Variants in CFAP299 observed in about 807,000 individuals in gnomAD.
CFAP299 encodes cilia- and flagella-associated protein 299.
Under a neutral mutation model 27.0 loss-of-function variants are expected in CFAP299, and 21 were observed. That is an observed-to-expected ratio of 0.78 (90% CI 0.55 to 1.12). The LOEUF (loss-of-function observed/expected upper bound fraction) is 1.12. Ranked by LOEUF, CFAP299 falls within the 50% of genes most tolerant of loss-of-function variation. The pLI is 0.00. For missense variants in CFAP299, 310 were observed against 276.6 expected (o/e 1.12, Z -0.86); for synonymous variants, 104 against 98.1 (o/e 1.06, Z -0.36).
At chr4:80,913,754 A>G (rs1035306856) in intron 4 of CFAP299, among the ~76,000 whole-genome samples, 11 of 152,020 alleles carry the variant, frequency 7.2e-5, no homozygotes, top group African/African-American at 2.7e-4. Flanking sequence ...ACAATTCATG[A>G]GCTTTGGCTA....
At chr4:80,534,863 AT>A (rs1298144220) in intron 2 of CFAP299, among the ~76,000 whole-genome samples, 1 of 152,140 alleles carries the variant, frequency 6.6e-6, no homozygotes, top group Non-Finnish European at 1.5e-5. Context: ...TTGTACATAT[AT>A]TTTTCCCTTT....
chr4:80,701,942 T>C (rs1223139578), intron 3 of CFAP299, among the ~76,000 whole-genome samples: 1 of 151,852 alleles, frequency 6.6e-6, no homozygotes, highest in Non-Finnish European at 1.5e-5. Context: ...TTATGTTCTT[T>C]GTATGTGGCC....
At position 80,768,737 on chromosome 4, in the gene CFAP299, GT is replaced by G. The variant is rs1726040801; in HGVS notation, c.334-101253del. Among the ~76,000 whole-genome samples the G allele has an allele frequency of 2.6e-5, 4 of 152,120 alleles. No individual in the cohort carries two copies. In the South Asian group the frequency reaches 8.3e-4, roughly 32 times the overall value. On this transcript the variant is annotated intron_variant, in intron 3 of 5. Transcript: ENST00000358105. Reference sequence around the variant, plus strand: ...GATCTATTTCAATTCAATATATATTGTTTAAGTTTCTACTCTGTAATAGGCG... The same window carrying G: ...GATCTATTTCAATTCAATATATATTGTTAAGTTTCTACTCTGTAATAGGCG...
chr4:80,676,882 T>G (rs1366468682), intron 3 of CFAP299, among the ~76,000 whole-genome samples: 1 of 151,898 alleles, frequency 6.6e-6, no homozygotes, highest in Non-Finnish European at 1.5e-5. Flanking sequence ...TTTATTTATC[T>G]TTTCAAAAAA....
At chr4:80,380,155 T>C (rs1724625784) in intron 2 of CFAP299, among the ~76,000 whole-genome samples, 2 of 152,192 alleles carry the variant, frequency 1.3e-5, no homozygotes, top group Non-Finnish European at 2.9e-5. Context: ...TTGTTCAATA[T>C]CATCTTCACT....
chr4:80,642,005 A>G (rs1739751109), intron 3 of CFAP299, among the ~76,000 whole-genome samples: 1 of 152,196 alleles, frequency 6.6e-6, no homozygotes, highest in Admixed American at 6.6e-5. Flanking sequence ...TGTTTCACAG[A>G]TATTTAGGAG....
At chr4:80,386,254 A>G in intron 2 of CFAP299, 1 of 1,162,744 alleles carries the variant, frequency 8.6e-7, no homozygotes, top group Non-Finnish European at 1.2e-6. Context: ...CAGCCCCGCC[A>G]GAGCCAGGTT....
chr4:80,818,804 T>C (rs1178185649), intron 3 of CFAP299, among the ~76,000 whole-genome samples: 1 of 152,220 alleles, frequency 6.6e-6, no homozygotes, highest in African/African-American at 2.4e-5. Context: ...GCAAATGTAC[T>C]ATTTATCTCA....
chr4:80,639,435 G>A (rs1470207729), intron 3 of CFAP299, among the ~76,000 whole-genome samples: 1 of 152,182 alleles, frequency 6.6e-6, no homozygotes, highest in South Asian at 2.1e-4. Context: ...AGCGGGACTA[G>A]CTGTTTAATT....
At chr4:80,572,379 A>G (rs1333915514) in intron 2 of CFAP299, among the ~76,000 whole-genome samples, 1 of 151,876 alleles carries the variant, frequency 6.6e-6, no homozygotes, top group Non-Finnish European at 1.5e-5. Flanking sequence ...CGTGAATTCA[A>G]TTGTTTTAGC....
chr4:80,905,709 G>A (rs1231127640), intron 4 of CFAP299, among the ~76,000 whole-genome samples: 1 of 152,150 alleles, frequency 6.6e-6, no homozygotes, highest in African/African-American at 2.4e-5. Flanking sequence ...GTAAGAAGAA[G>A]TGCAGAGCAA....
chr4:80,674,922 C>G (rs1286931536), intron 3 of CFAP299, among the ~76,000 whole-genome samples: 1 of 152,152 alleles, frequency 6.6e-6, no homozygotes, highest in Non-Finnish European at 1.5e-5. Flanking sequence ...AGCCATTCAT[C>G]TAATCTTTTT....
intron 2 of CFAP299, among the ~76,000 whole-genome samples, chr4:80,436,976 T>C (rs775578738): frequency 6.6e-6 from 1 of 152,204 alleles, no homozygotes; most frequent in Non-Finnish European, 1.5e-5. Flanking sequence ...TTGAAGGAAT[T>C]GCTTTAACAG....
At chr4:80,434,724 C>T (rs1195693536) in intron 2 of CFAP299, among the ~76,000 whole-genome samples, 1 of 152,132 alleles carries the variant, frequency 6.6e-6, no homozygotes, top group Admixed American at 6.5e-5. Context: ...AATTTGGGTG[C>T]ATAAAGAGGT....
chr4:80,877,408 G>A (rs116181147), intron 4 of CFAP299, among the ~76,000 whole-genome samples: 3,330 of 152,234 alleles, frequency 0.022, 58 homozygotes, highest in Admixed American at 0.038. Context: ...CCTTACTAGA[G>A]TATCTGTCTG....
chr4:80,442,284 A>G lies in CFAP299; in HGVS notation c.242+79400A>G, dbSNP rs565667092. On this transcript the variant is annotated intron_variant, in intron 2 of 5. Transcript: ENST00000358105. ...CTTAGCACCACATAGCACTTATTCT[A>G]AAATTGACCACATAATTAGAAGTAA... Among the ~76,000 whole-genome samples the G allele has an allele frequency of 8.5e-5, 13 of 152,342 alleles. No individual in the cohort carries two copies. In the East Asian group the frequency reaches 1.3e-3, roughly 16 times the overall value.
At chr4:80,832,820 C>A (rs777431449) in intron 3 of CFAP299, among the ~76,000 whole-genome samples, 2 of 151,962 alleles carry the variant, frequency 1.3e-5, no homozygotes, top group African/African-American at 2.4e-5. Context: ...ATATAAATTG[C>A]CACTTTATGT....
rs145433660 is a variant in CFAP299 at position 80,415,659 on chromosome 4, T to C, written c.242+52775T>C. ...AGACATTTGTTCCAATTATTATAAT[T>C]TCATCAATAGATATAAATTCAAACC... On this transcript the variant is annotated intron_variant, in intron 2 of 5. Coordinates refer to ENST00000358105, the MANE Select transcript of CFAP299 (RefSeq NM_152770.3). Among the ~76,000 whole-genome samples the C allele has an allele frequency of 1.7e-3, 253 of 152,264 alleles. 1 individual carries two copies. Among genetic ancestry groups the C allele is most frequent in the African/African-American group, 5.7e-3 (238 of 41,548 alleles).
At chr4:80,931,881 T>C (rs560888890) in intron 4 of CFAP299, among the ~76,000 whole-genome samples, 93 of 152,262 alleles carry the variant, frequency 6.1e-4, no homozygotes, top group African/African-American at 2.1e-3. Flanking sequence ...GAAACAACTG[T>C]TTCTTTGTGG....
Sources: gnomAD v4.1 joint callset for allele counts (sites outside exome capture counted in the v4.1 genomes callset) on GRCh38, gnomAD v4.1.1 for gene constraint, MANE v1.5 for transcripts, NCBI Gene and HGNC (gene_info 2026-07-23, HGNC 2026-07-21) for gene names.